The following PTPN4 variants were observed in gnomAD, a reference collection of about 807,000 sequenced individuals.
PTPN4 encodes the protein protein tyrosine phosphatase non-receptor type 4.
In PTPN4, 49 loss-of-function variants were observed where a neutral mutation model predicts 135.5. The ratio of observed to expected loss-of-function variants is 0.36; its 90% CI spans 0.29 to 0.46. The LOEUF is 0.46. Ranked by LOEUF, PTPN4 falls within the 20% of genes least tolerant of loss-of-function variation. The probability of loss-of-function intolerance (pLI) is 1.00; values close to 1 mark genes in which losing one functional copy is unlikely to be tolerated. For missense variants in PTPN4, 860 were observed against 1,101.0 expected, an observed-to-expected ratio of 0.78 and a Z score of 3.10; for synonymous variants, 333 against 369.9, an observed-to-expected ratio of 0.90 and a Z score of 1.14.
At chr2:119,847,275 T>TATATACAC (rs1553451350) in intron 2 of PTPN4, among the ~76,000 whole-genome samples, 110 of 107,516 alleles carry the variant, frequency 1.0e-3, no homozygotes, top group African/African-American at 3.9e-3. Flanking sequence ...ATACTCTATA[T>TATATACAC]ACACACACAC....
chr2:119,945,385 G>A (rs2105047359), intron 16 of PTPN4, 145 bp downstream of exon 16: 1 of 696,886 alleles, frequency 1.4e-6, no homozygotes, highest in East Asian at 3.1e-5. Context: ...CCTGAATTGT[G>A]CCATGATGTA....
Position 119,945,604 on chromosome 2 carries a change from TAAA to T in PTPN4, c.1515+367_1515+369del, listed in dbSNP as rs1679121259. On this transcript the variant is annotated intron_variant, in intron 16 of 26. Transcript: ENST00000263708. Reference sequence around the variant, plus strand: ...CCTAAAACTTAAAGTATAATAATAATAAAAATTAAAAATAAAAATAACAATAAA... The same window carrying T: ...CCTAAAACTTAAAGTATAATAATAATAATTAAAAATAAAAATAACAATAAA... Among the ~76,000 whole-genome samples, 5 of 83,898 alleles carry T rather than the reference TAAA, an allele frequency of 6.0e-5. No individual in the cohort carries two copies. The South Asian group carries it at 1.1e-3, about 19-fold the overall frequency. The allele number at this position is 83,898 out of a possible 152,430, so 55.0% of individuals were successfully genotyped here.
At chr2:119,848,243 G>A (rs542442484) in intron 2 of PTPN4, among the ~76,000 whole-genome samples, 6 of 148,164 alleles carry the variant, frequency 4.0e-5, no homozygotes, top group East Asian at 4.0e-4. Context: ...GCTCCATCTC[G>A]GCTCACTGCA....
intron 14 of PTPN4, among the ~76,000 whole-genome samples, chr2:119,933,623 A>G (rs1015919306): frequency 4.7e-5 from 7 of 150,234 alleles, no homozygotes; most frequent in Admixed American, 1.3e-4. Flanking sequence ...AGATCACACC[A>G]CTGCACTTCA....
intron 26 of PTPN4, among the ~76,000 whole-genome samples, chr2:119,973,844 T>C (rs767719856): frequency 5.9e-5 from 9 of 151,940 alleles, no homozygotes; most frequent in Non-Finnish European, 1.0e-4. Context: ...CAAACGCACA[T>C]AATGTCTGAT....
chr2:119,938,124 A>AT (rs370292419), intron 15 of PTPN4, among the ~76,000 whole-genome samples: 58,953 of 117,836 alleles, frequency 0.5, 15,974 homozygotes, highest in East Asian at 0.66. Context: ...ATGTGGGATA[A>AT]TTTTTTTTTT....
intron 14 of PTPN4, among the ~76,000 whole-genome samples, chr2:119,934,599 T>C (rs1297881759): frequency 6.6e-6 from 1 of 152,190 alleles, no homozygotes. Context: ...CCTTGGCAGA[T>C]TGTTGATTGT....
chr2:119,845,269 G>GGGGAGT (rs1287791559), intron 2 of PTPN4, among the ~76,000 whole-genome samples: 1 of 100,186 alleles, frequency 1.0e-5, no homozygotes, highest in Admixed American at 1.1e-4. Context: ...GGAGGGGGAG[G>GGGGAGT]GAGAGGGAGA....
chr2:119,901,443 C>T (rs13414110), intron 10 of PTPN4, among the ~76,000 whole-genome samples: 52,201 of 151,888 alleles, frequency 0.34, 9,474 homozygotes, highest in African/African-American at 0.46. Flanking sequence ...GAGAAAATTA[C>T]AACCTCTGAC....
chr2:119,931,574 G>A (rs1350420586), intron 13 of PTPN4, among the ~76,000 whole-genome samples: 1 of 150,244 alleles, frequency 6.7e-6, no homozygotes, highest in Non-Finnish European at 1.5e-5. Flanking sequence ...CTCCCAAGTA[G>A]CTTGGACTAC....
intron 18 of PTPN4, among the ~76,000 whole-genome samples, chr2:119,947,822 A>G (rs1029899629): frequency 6.6e-6 from 1 of 151,548 alleles, no homozygotes; most frequent in Non-Finnish European, 1.5e-5. Context: ...TCTCCACTAA[A>G]TAGAAATTGT....
chr2:119,851,957 G>A (rs921212285), intron 2 of PTPN4, among the ~76,000 whole-genome samples: 6 of 152,146 alleles, frequency 3.9e-5, no homozygotes, highest in African/African-American at 1.2e-4. Context: ...TAAAATTATT[G>A]TGTGTCTTTT....
At chr2:119,854,560 C>G (rs910152730) in intron 2 of PTPN4, among the ~76,000 whole-genome samples, 6 of 152,168 alleles carry the variant, frequency 3.9e-5, no homozygotes, top group Non-Finnish European at 5.9e-5. Flanking sequence ...GCTAGGGTTC[C>G]TCTTGGAGTC....
chr2:119,919,216 T>C (rs1678702868), intron 11 of PTPN4, among the ~76,000 whole-genome samples: 1 of 152,242 alleles, frequency 6.6e-6, no homozygotes, highest in Non-Finnish European at 1.5e-5. Flanking sequence ...ATATGTGGTT[T>C]ACTTTAAGGA....
chr2:119,942,574 T>C (rs1214566170), intron 15 of PTPN4, among the ~76,000 whole-genome samples: 1 of 151,440 alleles, frequency 6.6e-6, no homozygotes, highest in African/African-American at 2.4e-5. Context: ...TTATGACAAC[T>C]GTATGCAAAG....
chr2:119,972,693 G>A (rs963771647), intron 26 of PTPN4, among the ~76,000 whole-genome samples: 10 of 152,072 alleles, frequency 6.6e-5, no homozygotes, highest in Non-Finnish European at 1.2e-4. Flanking sequence ...GCCATGGATT[G>A]TTTATAAATG....
intron 2 of PTPN4, among the ~76,000 whole-genome samples, chr2:119,837,834 C>T (rs1036534129): frequency 6.6e-6 from 1 of 152,256 alleles, no homozygotes; most frequent in Non-Finnish European, 1.5e-5. Context: ...CATCGGAAGT[C>T]TCGTGTGTTA....
At chr2:119,962,796 C>A (rs1324225592) in intron 24 of PTPN4, 52 bp downstream of exon 24, 2 of 1,319,464 alleles carry the variant, frequency 1.5e-6, no homozygotes, top group Non-Finnish European at 2.0e-6. Context: ...AGGGTAAAGA[C>A]TGAAAGCTGA....
intron 22 of PTPN4, among the ~76,000 whole-genome samples, chr2:119,958,932 A>C (rs959897403): frequency 1.3e-5 from 2 of 152,190 alleles, no homozygotes; most frequent in Non-Finnish European, 1.5e-5. Context: ...GGTCAGTTTT[A>C]AACAGCAAAA....
Sources: allele counts gnomAD v4.1 joint callset (sites outside exome capture counted in the v4.1 genomes callset), GRCh38; gene constraint gnomAD v4.1.1; transcripts MANE v1.5; gene names NCBI Gene and HGNC (gene_info 2026-07-23, HGNC 2026-07-21).